The following CDC40 variants were observed in gnomAD, a reference collection of about 807,000 sequenced individuals.
CDC40 encodes the protein pre-mRNA-processing factor 17.
CDC40 carries 27 observed loss-of-function variants against 80.6 expected under a neutral mutation model. The ratio of observed to expected loss-of-function variants is 0.33; its 90% CI spans 0.25 to 0.46. The LOEUF (loss-of-function observed/expected upper bound fraction) is 0.46, where lower values mean the gene tolerates loss of function less well. Among genes scored for constraint, CDC40 ranks in the 20% least tolerant of loss-of-function variants. The probability of loss-of-function intolerance (pLI) is 1.00; values close to 1 mark genes in which losing one functional copy is unlikely to be tolerated. For synonymous variants in CDC40, 221 were observed against 232.6 expected (o/e 0.95, Z 0.45); for missense variants, 486 against 694.1 (o/e 0.70, Z 3.37).
intron 3 of CDC40, 43 bp downstream of exon 3, chr6:110,201,730 A>G (rs367940647): frequency 2.9e-5 from 46 of 1,574,266 alleles, no homozygotes; most frequent in African/African-American, 4.0e-5. Flanking sequence ...TGGCTTTATT[A>G]GAAGTGTGAT....
At position 110,226,048 on chromosome 6, in the gene CDC40, A is replaced by C; in HGVS notation, c.1341-119A>C. On this transcript the variant is annotated intron_variant, in intron 12 of 14. Transcript: ENST00000307731. ...TTCCAGAAAGTTTCATGAAAGATTTATTAAATATATAATATCAAGAGTTTG... is the reference window on the plus strand; with the variant it reads ...TTCCAGAAAGTTTCATGAAAGATTTCTTAAATATATAATATCAAGAGTTTG... 3 of 620,796 alleles carry C rather than the reference A, an allele frequency of 4.8e-6. No individual in the cohort carries two copies. The South Asian group carries it at 5.9e-5, about 12-fold the overall frequency. The allele number at this position is 620,796 out of a possible 1,614,324, so 38.5% of individuals were successfully genotyped here.
rs954400443 is a variant in CDC40, at chr6:110,218,417, T to C, written c.1090+614T>C. Among the ~76,000 whole-genome samples, 10 of 152,350 alleles carry C rather than the reference T, an allele frequency of 6.6e-5. No individual in the cohort carries two copies. The South Asian group carries it at 2.1e-3, about 32-fold the overall frequency. ...CAGGCATAATTGCTAAGCACTGATA[T>C]TCAGTGTCTCCTTCAATCTTAATTT... On this transcript the variant is annotated intron_variant, in intron 10 of 14. Transcript: ENST00000307731.
chr6:110,216,569 G>A (rs1316005121), intron 9 of CDC40, among the ~76,000 whole-genome samples: 1 of 152,142 alleles, frequency 6.6e-6, no homozygotes, highest in Non-Finnish European at 1.5e-5. Context: ...CCTCCTGAAG[G>A]AGATGATAGA....
In CDC40 at chr6:110,219,882, C is replaced by T. The variant is rs759326948; in HGVS notation, c.1340+13C>T. On this transcript the variant is annotated intron_variant, in intron 12 of 14. Transcript: ENST00000307731. ...GAGTTTGGGAATGGTGAGTTTCCAT[C>T]AGTAGAAAATCTGATTTACATAAAG... 7.5e-6 allele frequency: 12 copies of T among 1,609,494 alleles called. No homozygotes were observed. The South Asian group carries it at 1.3e-4, about 18-fold the overall frequency.
intron 9 of CDC40, among the ~76,000 whole-genome samples, 188 bp from the exon 10 acceptor site, chr6:110,217,514 C>T (rs547741493): frequency 3.9e-4 from 60 of 151,948 alleles, no homozygotes; most frequent in African/African-American, 1.0e-3. Context: ...GGGAAAAAAA[C>T]GCCCACATTC....
At chr6:110,214,908 A>G (rs1584077906) in intron 8 of CDC40, among the ~76,000 whole-genome samples, 1 of 152,242 alleles carries the variant, frequency 6.6e-6, no homozygotes, top group East Asian at 1.9e-4. Flanking sequence ...CAATTCCTTT[A>G]AACGTCATTT....
At chr6:110,210,828 A>AT (rs1419486126) in intron 6 of CDC40, 25 bp downstream of exon 6, 19 of 1,300,782 alleles carry the variant, frequency 1.5e-5, no homozygotes, top group Non-Finnish European at 1.8e-5. Flanking sequence ...GTACATCTTC[A>AT]TTTTTATGAA....
chr6:110,227,180 C>T lies in CDC40; in HGVS notation c.1417+937C>T, dbSNP rs9481047. Among the ~76,000 whole-genome samples the T allele has an allele frequency of 2.3e-4, 35 of 152,102 alleles. No individual in the cohort carries two copies. In the South Asian group the frequency reaches 6.0e-3, roughly 26 times the overall value. On this transcript the variant is annotated intron_variant, in intron 13 of 14. Transcript: ENST00000307731. ...ATATTGTTTAATCCATTGTCTTTTACGTACAAGATAATTTGTGCTACAGAT... is the reference window on the plus strand; with the variant it reads ...ATATTGTTTAATCCATTGTCTTTTATGTACAAGATAATTTGTGCTACAGAT...
At chr6:110,206,021 G>A (rs939352525) in intron 3 of CDC40, among the ~76,000 whole-genome samples, 1 of 152,126 alleles carries the variant, frequency 6.6e-6, no homozygotes, top group Non-Finnish European at 1.5e-5. Flanking sequence ...CAGGTGGTTG[G>A]TTCTGTTATA....
chr6:110,198,068 CT>C (rs1325290552), intron 2 of CDC40, among the ~76,000 whole-genome samples: 2 of 151,920 alleles, frequency 1.3e-5, no homozygotes, highest in Non-Finnish European at 1.5e-5. Flanking sequence ...ACTTGTTACC[CT>C]TTATCGTTTT....
chr6:110,206,164 G>GTC (rs1250445655), intron 3 of CDC40, among the ~76,000 whole-genome samples: 2 of 152,104 alleles, frequency 1.3e-5, no homozygotes, highest in African/African-American at 4.8e-5. Flanking sequence ...GTGAGATGGA[G>GTC]TCTCGCTCTG....
At chr6:110,192,077 G>T (rs904841473) in intron 1 of CDC40, among the ~76,000 whole-genome samples, 1 of 152,092 alleles carries the variant, frequency 6.6e-6, no homozygotes, top group Non-Finnish European at 1.5e-5. Flanking sequence ...CCTTTGTTAG[G>T]CTTTTACTCT....
At chr6:110,217,596 T>TC in intron 9 of CDC40, 106 bp from the exon 10 acceptor site, 1 of 680,818 alleles carries the variant, frequency 1.5e-6, no homozygotes, top group Non-Finnish European at 2.7e-6. Context: ...GACTCACAGC[T>TC]GAGAACCACT....
chr6:110,226,561 C>G (rs551581106), intron 13 of CDC40, among the ~76,000 whole-genome samples: 1 of 151,822 alleles, frequency 6.6e-6, no homozygotes, highest in Non-Finnish European at 1.5e-5. Context: ...CTCCTCTCCT[C>G]TCCCCTCCCC....
Position 110,217,630 on chromosome 6 carries a change from G to C in CDC40, c.989-72G>C, listed in dbSNP as rs1777716959. ...CTGCTTAGTGCTGTTTGTCTTTATG[G>C]TGTTAATGTTTTAAGAGAAGAAGAT... On this transcript the variant is annotated intron_variant, in intron 9 of 14. Transcript: ENST00000307731. 20 of 764,398 alleles carry C rather than the reference G, an allele frequency of 2.6e-5. No individual in the cohort carries two copies. The East Asian group carries it at 4.8e-4, about 18-fold the overall frequency. 47.4% of individuals were successfully genotyped at this position (764,398 alleles called of 1,614,324 possible).
intron 3 of CDC40, among the ~76,000 whole-genome samples, chr6:110,202,308 T>C (rs147074233): frequency 4.4e-4 from 67 of 152,348 alleles, no homozygotes; most frequent in African/African-American, 1.5e-3. Context: ...CAAGGCTATA[T>C]ACCACTTAAA....
At position 110,207,497 on chromosome 6, in the gene CDC40, TG is replaced by T; in HGVS notation, c.407-8del. On this transcript the variant is annotated splice_region_variant and splice_polypyrimidine_tract_variant and intron_variant, in intron 3 of 14. Coordinates refer to ENST00000307731, the MANE Select transcript of CDC40 (RefSeq NM_015891.3). Reference sequence around the variant, plus strand: ...ATGGAGTTAATAATTTTCACTTTTTTGCTTTCAGGTTATGCATTAGACCCTT... The same window carrying T: ...ATGGAGTTAATAATTTTCACTTTTTTCTTTCAGGTTATGCATTAGACCCTT... 3 of 1,492,276 alleles carry T rather than the reference TG, an allele frequency of 2.0e-6. No homozygotes were observed. Among genetic ancestry groups the T allele is most frequent in the Non-Finnish European group, 1.9e-6 (2 of 1,077,040 alleles). The allele number at this position is 1,492,276 out of a possible 1,614,324, so 92.4% of individuals were successfully genotyped here.
Position 110,226,210 on chromosome 6 carries a change from C to T in CDC40, c.1384C>T (p.His462Tyr), listed in dbSNP as rs1348853642. Reference protein sequence around the residue: ...DFKYIAEPSMHSMPAVTLSPN... With the variant: ...DFKYIAEPSMYSMPAVTLSPN... ...CAAGTACATAGCAGAACCCAGTATG[C>T]ACTCAATGCCTGCAGTGACTTTGTC... Residue 462 changes from histidine (H) to tyrosine (Y), a missense_variant, in exon 13 of 15, where the codon CAC (histidine) becomes TAC (tyrosine). Around this residue, in one of 3 missense-constraint regions of CDC40, gnomAD observed 88 missense variants for 138.7 expected, o/e 0.63. Transcript: ENST00000307731. The T allele has an allele frequency of 6.2e-7, 1 of 1,608,666 alleles. No individual in the cohort carries two copies. The highest frequency in any genetic ancestry group is 8.5e-7 in the Non-Finnish European group (1 of 1,175,974).
intron 2 of CDC40, among the ~76,000 whole-genome samples, chr6:110,195,175 T>G (rs1399809797): frequency 6.6e-6 from 1 of 152,222 alleles, no homozygotes; most frequent in Non-Finnish European, 1.5e-5. Flanking sequence ...CTTGGCAAAG[T>G]CTGGAAAAGT....
Sources: allele counts gnomAD v4.1 joint callset (sites outside exome capture counted in the v4.1 genomes callset), GRCh38; gene constraint gnomAD v4.1.1; regional missense constraint gnomAD v4.1.1; transcripts MANE v1.5; gene names NCBI Gene and HGNC (gene_info 2026-07-23, HGNC 2026-07-21).